Variants in SGCD observed in about 807,000 individuals in gnomAD.
SGCD encodes sarcoglycan delta, also known as delta-sarcoglycan.
SGCD carries 18 observed loss-of-function variants against 36.6 expected under a neutral mutation model. The ratio of observed to expected loss-of-function variants is 0.49; its 90% CI spans 0.34 to 0.73. SGCD has a LOEUF of 0.73. Among genes scored for constraint, SGCD ranks in the 30% least tolerant of loss-of-function variants. SGCD has a pLI of 0.01. For synonymous variants in SGCD, 133 were observed against 130.6 expected, an observed-to-expected ratio of 1.02 and a Z score of -0.12; for missense variants, 387 against 346.7, an observed-to-expected ratio of 1.12 and a Z score of -0.92.
At chr5:156,058,532 C>G (rs1760118482) in intron 1 of SGCD, among the ~76,000 whole-genome samples, 1 of 145,628 alleles carries the variant, frequency 6.9e-6, no homozygotes, top group African/African-American at 2.5e-5. Flanking sequence ...GGCCCATCAG[C>G]TACACTTTGA....
intron 1 of SGCD, among the ~76,000 whole-genome samples, chr5:155,938,009 G>A (rs1324234909): frequency 6.6e-6 from 1 of 152,290 alleles, no homozygotes; most frequent in East Asian, 1.9e-4. Flanking sequence ...CAGGTCCTGT[G>A]CTCTTTCTTT....
At chr5:156,568,954 C>T (rs1467590541) in intron 4 of SGCD, among the ~76,000 whole-genome samples, 2 of 152,178 alleles carry the variant, frequency 1.3e-5, no homozygotes, top group African/African-American at 2.4e-5. Flanking sequence ...ACCAATATTA[C>T]AGAATTCATG....
intron 4 of SGCD, among the ~76,000 whole-genome samples, chr5:156,551,469 C>T (rs1030620742): frequency 1.3e-5 from 2 of 152,088 alleles, no homozygotes; most frequent in Admixed American, 6.5e-5. Flanking sequence ...TTCCTTGCCT[C>T]TCTCCTTGGA....
intron 3 of SGCD, among the ~76,000 whole-genome samples, chr5:156,485,295 C>A (rs1245842218): frequency 6.6e-6 from 1 of 152,154 alleles, no homozygotes; most frequent in Admixed American, 6.5e-5. Flanking sequence ...AAAACTATTT[C>A]TTCCTTATAC....
intron 3 of SGCD, among the ~76,000 whole-genome samples, chr5:156,301,935 G>T (rs930093624): frequency 6.6e-6 from 1 of 151,736 alleles, no homozygotes. Flanking sequence ...TTTTGGAATC[G>T]TTTCTTAATC....
intron 3 of SGCD, among the ~76,000 whole-genome samples, chr5:156,462,860 G>A (rs932841536): frequency 3.3e-5 from 5 of 152,108 alleles, no homozygotes; most frequent in Non-Finnish European, 7.4e-5. Flanking sequence ...AGAATTGTAT[G>A]AGTTTAGCCT....
chr5:155,925,664 G>A (rs1198177463), intron 1 of SGCD, among the ~76,000 whole-genome samples: 2 of 152,196 alleles, frequency 1.3e-5, no homozygotes, highest in Non-Finnish European at 2.9e-5. Flanking sequence ...TGCCCAGGCT[G>A]TAGTGCAGTG....
intron 6 of SGCD, among the ~76,000 whole-genome samples, chr5:156,624,945 C>T (rs1018968921): frequency 6.6e-6 from 1 of 152,182 alleles, no homozygotes; most frequent in Non-Finnish European, 1.5e-5. Context: ...CAACCAGATA[C>T]CTGCACATTT....
upstream of SGCD, among the ~76,000 whole-genome samples, chr5:155,865,382 G>A (rs191233529): frequency 3.2e-4 from 48 of 152,106 alleles, no homozygotes; most frequent in East Asian, 8.3e-3. Flanking sequence ...TCAATTTATT[G>A]TGATATGTTG....
the SGCD span, among the ~76,000 whole-genome samples, chr5:155,784,443 A>G: frequency 6.6e-6 from 1 of 152,118 alleles, no homozygotes; most frequent in Non-Finnish European, 1.5e-5. Context: ...GCCGTTTTGG[A>G]TTTGACTGAG....
chr5:156,199,571 C>T (rs1047082520), intron 3 of SGCD, among the ~76,000 whole-genome samples: 1 of 152,114 alleles, frequency 6.6e-6, no homozygotes, highest in African/African-American at 2.4e-5. Flanking sequence ...CGTTTGGAGA[C>T]TCCCTACTCC....
chr5:156,447,385 G>T (rs571815495), intron 3 of SGCD, among the ~76,000 whole-genome samples: 1 of 152,114 alleles, frequency 6.6e-6, no homozygotes. Context: ...GAACACAGCA[G>T]TGTGGCCAGG....
At chr5:155,929,593 C>T (rs912686917) in intron 1 of SGCD, among the ~76,000 whole-genome samples, 1 of 152,134 alleles carries the variant, frequency 6.6e-6, no homozygotes, top group Non-Finnish European at 1.5e-5. Flanking sequence ...ACATTTTCCC[C>T]TAAGTTACCT....
intron 3 of SGCD, among the ~76,000 whole-genome samples, chr5:156,154,413 G>T (rs1452679848): frequency 1.3e-5 from 2 of 151,556 alleles, no homozygotes. Flanking sequence ...TAATATCTGA[G>T]AAATATATTT....
intron 3 of SGCD, among the ~76,000 whole-genome samples, chr5:156,406,018 T>TAAAAAAAAAAAAAA (rs10529406): frequency 1.2e-4 from 12 of 103,974 alleles, no homozygotes; most frequent in African/African-American, 3.7e-4. Flanking sequence ...TATCTTTGCT[T>TAAAAAAAAAAAAAA]AAAAAAAAAA....
At chr5:155,906,657 C>G (rs1756517478) in intron 1 of SGCD, among the ~76,000 whole-genome samples, 1 of 152,138 alleles carries the variant, frequency 6.6e-6, no homozygotes, top group Non-Finnish European at 1.5e-5. Flanking sequence ...GGCCCTAACT[C>G]TCTTTAATTC....
intron 2 of SGCD, among the ~76,000 whole-genome samples, chr5:156,121,269 T>C (rs1438901708): frequency 6.6e-6 from 1 of 152,196 alleles, no homozygotes. Context: ...TAAAAGTTTA[T>C]TGAGCACTAA....
intron 1 of SGCD, among the ~76,000 whole-genome samples, chr5:156,026,524 T>G (rs958800818): frequency 7.2e-5 from 11 of 152,184 alleles, no homozygotes; most frequent in African/African-American, 2.7e-4. Flanking sequence ...TTAATGTACT[T>G]TCAATTATAC....
chr5:156,373,322 A>G (rs1027982912), intron 3 of SGCD, among the ~76,000 whole-genome samples: 3 of 152,168 alleles, frequency 2.0e-5, no homozygotes, highest in Non-Finnish European at 2.9e-5. Flanking sequence ...ATATTTTTGT[A>G]TATGTCTTCA....
Sources: allele counts gnomAD v4.1 joint callset (sites outside exome capture counted in the v4.1 genomes callset), GRCh38; gene constraint gnomAD v4.1.1; transcripts MANE v1.5; gene names NCBI Gene and HGNC (gene_info 2026-07-23, HGNC 2026-07-21).